Variants in CNTNAP2 observed in about 807,000 individuals in gnomAD.
CNTNAP2 encodes the protein contactin associated protein 2, also known as contactin-associated protein-like 2.
In CNTNAP2, 98 loss-of-function variants were observed where a neutral mutation model predicts 155.2. The observed-to-expected ratio is 0.63, with a 90% CI of 0.54 to 0.75. The LOEUF is 0.75. Ranked by LOEUF, CNTNAP2 falls within the 30% of genes least tolerant of loss-of-function variation. The pLI is 0.00. For missense variants in CNTNAP2, 1,727 were observed against 1,688.1 expected (o/e 1.02, Z -0.40); for synonymous variants, 651 against 631.2 (o/e 1.03, Z -0.47).
At chr7:146,597,253 G>C (rs1363059080) in intron 1 of CNTNAP2, among the ~76,000 whole-genome samples, 1 of 152,074 alleles carries the variant, frequency 6.6e-6, no homozygotes, top group Non-Finnish European at 1.5e-5. Context: ...ATTTGGATGA[G>C]AGTGTAAAGG....
intron 1 of CNTNAP2, among the ~76,000 whole-genome samples, chr7:146,183,902 G>C (rs1184396525): frequency 6.6e-6 from 1 of 152,096 alleles, no homozygotes; most frequent in Non-Finnish European, 1.5e-5. Context: ...CTCACACTCG[G>C]AATCTTTTTT....
Position 147,932,406 on chromosome 7 carries a change from T to G in CNTNAP2, c.2255+28685T>G, listed in dbSNP as rs138341486. Among the ~76,000 whole-genome samples the G allele has an allele frequency of 9.7e-3, 1,470 of 152,240 alleles. 7 individuals carry two copies. The highest frequency in any genetic ancestry group is 0.016 in the Non-Finnish European group (1,092 of 68,006). ...GAAAGAGGGCCCAGAAATAAACCTGTGCATATATGACCAACTGATCTTCAA... is the reference window on the plus strand; with the variant it reads ...GAAAGAGGGCCCAGAAATAAACCTGGGCATATATGACCAACTGATCTTCAA... On this transcript the variant is annotated intron_variant, in intron 14 of 23. Transcript: ENST00000361727.
At chr7:147,235,806 T>C (rs1300623795) in intron 8 of CNTNAP2, among the ~76,000 whole-genome samples, 1 of 152,206 alleles carries the variant, frequency 6.6e-6, no homozygotes, top group Non-Finnish European at 1.5e-5. Flanking sequence ...ACTTGGAATA[T>C]AATAAGCCCA....
At chr7:147,300,852 C>T (rs1009417659) in intron 9 of CNTNAP2, among the ~76,000 whole-genome samples, 1 of 151,960 alleles carries the variant, frequency 6.6e-6, no homozygotes, top group African/African-American at 2.4e-5. Context: ...TAATACCTTT[C>T]TTCTTCAAGT....
At position 147,322,684 on chromosome 7, in the gene CNTNAP2, G is replaced by A. The variant is rs547925030; in HGVS notation, c.1498+22394G>A. On this transcript the variant is annotated intron_variant, in intron 9 of 23. Transcript: ENST00000361727. The stretch of plus-strand genomic sequence containing the variant: ...CCTCCTTGTACCTCTGGTAGAATTC[G>A]GCTGTGAATCCATCTGGTCCTGGAC... 7.1e-3 allele frequency among the ~76,000 whole-genome samples: 1,018 copies of A among 143,696 alleles called. 16 individuals carry two copies. Among genetic ancestry groups the A allele is most frequent in the African/African-American group, 0.026 (964 of 37,698 alleles). The allele number at this position is 143,696 out of a possible 152,430, so 94.3% of individuals were successfully genotyped here. A position where few individuals can be genotyped will look rare whatever the true frequency, so the allele number is the denominator to read the frequency against.
intron 13 of CNTNAP2, among the ~76,000 whole-genome samples, chr7:147,690,534 A>G (rs1244674146): frequency 6.6e-6 from 1 of 152,126 alleles, no homozygotes; most frequent in Non-Finnish European, 1.5e-5. Flanking sequence ...CATGAAGTTT[A>G]TCGAGTAACA....
chr7:148,405,133 C>G (rs1221357708), intron 22 of CNTNAP2, among the ~76,000 whole-genome samples: 1 of 152,080 alleles, frequency 6.6e-6, no homozygotes, highest in Non-Finnish European at 1.5e-5. Context: ...CCTCTTCTAC[C>G]CAGTATTTCC....
intron 7 of CNTNAP2, among the ~76,000 whole-genome samples, chr7:147,131,233 G>GTATACCATATACA (rs948207327): frequency 7.9e-4 from 119 of 150,420 alleles, no homozygotes; most frequent in Non-Finnish European, 1.6e-3. Flanking sequence ...CCATACACAT[G>GTATACCATATACA]TATACCATAT....
At chr7:147,071,853 TG>T (rs1413357206) in intron 4 of CNTNAP2, among the ~76,000 whole-genome samples, 1 of 152,216 alleles carries the variant, frequency 6.6e-6, no homozygotes, top group Admixed American at 6.5e-5. Flanking sequence ...CAAAAACTTT[TG>T]TTTGGTCATA....
rs565364944 is a variant in CNTNAP2 at position 148,021,652 on chromosome 7, A to G, written c.2383+43663A>G. 8.5e-5 allele frequency among the ~76,000 whole-genome samples: 13 copies of G among 152,344 alleles called. No homozygotes were observed. In the South Asian group the frequency reaches 2.5e-3, roughly 29 times the overall value. On this transcript the variant is annotated intron_variant, in intron 15 of 23. Transcript: ENST00000361727. ...GCCCCTGGGGATCCAGTCCCCGGTG[A>G]GCTGGAAAGCTACTCTGTGCTCTCA...
chr7:148,157,164 A>G (rs993937918), intron 17 of CNTNAP2, among the ~76,000 whole-genome samples: 1 of 152,180 alleles, frequency 6.6e-6, no homozygotes, highest in African/African-American at 2.4e-5. Context: ...TCATTTACAT[A>G]GGGCATATAC....
intron 15 of CNTNAP2, among the ~76,000 whole-genome samples, chr7:148,031,185 C>A (rs776391039): frequency 2.6e-4 from 40 of 152,154 alleles, no homozygotes; most frequent in Non-Finnish European, 5.1e-4. Context: ...GGGGCCCTCC[C>A]TTCTTGATAA....
intron 5 of CNTNAP2, 143 bp from the exon 6 acceptor site, chr7:147,120,836 C>T (rs956209486): frequency 2.7e-6 from 2 of 752,804 alleles, no homozygotes; most frequent in Admixed American, 4.1e-5. Context: ...AGTGTCGTTA[C>T]TTACTGGTAT....
intron 16 of CNTNAP2, among the ~76,000 whole-genome samples, chr7:148,139,690 C>T (rs767383737): frequency 7.2e-5 from 11 of 152,092 alleles, no homozygotes; most frequent in Non-Finnish European, 1.5e-4. Context: ...CAGGCACCCT[C>T]TATCATGCCC....
Position 148,293,347 on chromosome 7 carries a change from C to A in CNTNAP2, c.3475+26221C>A, listed in dbSNP as rs145614504. On this transcript the variant is annotated intron_variant, in intron 21 of 23. Coordinates refer to ENST00000361727, the MANE Select transcript of CNTNAP2 (RefSeq NM_014141.6). ...ATCAACTGCCTCACTAGTAAGATGA[C>A]TTCTGGTATATGGATATGTCTCTCA... 2.3e-3 allele frequency among the ~76,000 whole-genome samples: 344 copies of A among 152,212 alleles called. 2 individuals carry two copies. The highest frequency in any genetic ancestry group is 7.8e-3 in the African/African-American group (325 of 41,536).
chr7:147,412,917 G>A (rs550427135), intron 10 of CNTNAP2, among the ~76,000 whole-genome samples: 1 of 152,284 alleles, frequency 6.6e-6, no homozygotes, highest in East Asian at 1.9e-4. Context: ...GCTTTAGTCT[G>A]TAGTCCAAGG....
intron 13 of CNTNAP2, among the ~76,000 whole-genome samples, chr7:147,825,872 G>T (rs1365775257): frequency 6.6e-6 from 1 of 152,162 alleles, no homozygotes; most frequent in South Asian, 2.1e-4. Context: ...TGGGGTGTGG[G>T]TGTTGAAGAT....
chr7:146,746,181 C>T (rs1801807087), intron 1 of CNTNAP2, among the ~76,000 whole-genome samples: 2 of 152,062 alleles, frequency 1.3e-5, no homozygotes, highest in African/African-American at 4.8e-5. Flanking sequence ...AAGGTTAATC[C>T]TTTATCCACT....
chr7:147,618,708 T>TAC (rs112885206), intron 12 of CNTNAP2, among the ~76,000 whole-genome samples: 4,326 of 132,006 alleles, frequency 0.033, 77 homozygotes, highest in African/African-American at 0.062. Context: ...ACAGCTATTA[T>TAC]ACACACACAC....
Sources: gnomAD v4.1 joint callset for allele counts (sites outside exome capture counted in the v4.1 genomes callset) on GRCh38, gnomAD v4.1.1 for gene constraint, MANE v1.5 for transcripts, NCBI Gene and HGNC (gene_info 2026-07-23, HGNC 2026-07-21) for gene names.